The following BTBD3 variants were observed in gnomAD, a reference collection of about 807,000 sequenced individuals.
BTBD3 encodes BTB domain containing 3.
A neutral mutation model predicts 41.6 loss-of-function variants in BTBD3; 14 were observed. That is an observed-to-expected ratio of 0.34 (90% CI 0.22 to 0.53). The LOEUF is 0.53. Among genes scored for constraint, BTBD3 ranks in the 20% least tolerant of loss-of-function variants. The pLI, the probability that BTBD3 is intolerant of heterozygous loss-of-function variation, is 0.95. For missense variants in BTBD3, 426 were observed against 654.7 expected (o/e 0.65, Z 3.81); for synonymous variants, 249 against 233.7 (o/e 1.07, Z -0.60).
At chr20:11,914,679 C>G (rs890680793), upstream of BTBD3, among the ~76,000 whole-genome samples, 1 of 151,640 alleles carries the variant, frequency 6.6e-6, no homozygotes, top group Non-Finnish European at 1.5e-5. Context: ...CTTAAATGCC[C>G]TTAGAAATAA....
chr20:11,925,165 C>A lies in BTBD3; in HGVS notation c.*1499C>A, dbSNP rs73251144. 0.055 allele frequency: 8,416 copies of A among 152,824 alleles called. 760 individuals are homozygous for A. Among genetic ancestry groups the A allele is most frequent in the African/African-American group, 0.19 (7,700 of 41,556 alleles). 9.5% of individuals were successfully genotyped at this position (152,824 alleles called of 1,614,324 possible). On this transcript the variant is annotated 3_prime_UTR_variant, in exon 4 of 4. Transcript: ENST00000378226. ...CTGCTCCTGCTCTGCAAGCCTGAAA[C>A]TGGCTTGTCTGGAGCCAGGAGTTAG...
At position 11,918,413 on chromosome 20, in the gene BTBD3, A is replaced by C; in HGVS notation, c.138A>C (p.Pro46=). Residue 46 remains proline, a synonymous_variant, in exon 1 of 4, where the codon CCA becomes CCC. Coordinates refer to ENST00000378226, the MANE Select transcript of BTBD3 (RefSeq NM_014962.4). ...SSSSSNSSKL[P]PVCYEIITLK... is the part of the protein sequence containing the mutation. The stretch of plus-strand genomic sequence containing the variant: ...GCAGTAGCAACAGCAGCAAGTTGCC[A>C]CCAGTTTGTTATGAAATAATTACCT... 6.2e-7 allele frequency: 1 copy of C among 1,614,190 alleles called. No homozygotes were observed. Among genetic ancestry groups the C allele is most frequent in the Non-Finnish European group, 8.5e-7 (1 of 1,180,028 alleles).
intron 3 of BTBD3, chr20:11,921,725 T>C (rs1296624790): frequency 6.6e-6 from 1 of 152,244 alleles, no homozygotes; most frequent in African/African-American, 2.4e-5. Context: ...TACTTTCTTA[T>C]AGAAGCTGTT....
upstream of BTBD3, among the ~76,000 whole-genome samples, chr20:11,915,267 T>C (rs2056911012): frequency 6.6e-6 from 1 of 152,204 alleles, no homozygotes; most frequent in African/African-American, 2.4e-5. Flanking sequence ...TCCCTCTCAG[T>C]TGGCTGTCTG....
chr20:11,919,255 G>C, intron 2 of BTBD3, 79 bp downstream of exon 2: 1 of 1,431,250 alleles, frequency 7.0e-7, no homozygotes, highest in South Asian at 1.3e-5. Context: ...AACTTGGTGT[G>C]GGCAGCTTGC....
intron 1 of BTBD3, among the ~76,000 whole-genome samples, chr20:11,906,318 G>A (rs942819886): frequency 4.1e-5 from 5 of 123,306 alleles, no homozygotes; most frequent in African/African-American, 1.5e-4. Flanking sequence ...AGGGTGGAGT[G>A]CAATGGTGTT....
rs1438643747 is a variant in BTBD3 at position 11,897,520 on chromosome 20, TCCTCCTGACTCTTCTC to T, written c.-126+6567_-126+6582del. Among the ~76,000 whole-genome samples, 97 of 137,876 alleles carry T rather than the reference TCCTCCTGACTCTTCTC, an allele frequency of 7.0e-4. 1 individual carries two copies. The South Asian group carries it at 0.014, about 20-fold the overall frequency. The allele number at this position is 137,876 out of a possible 152,430, so 90.5% of individuals were successfully genotyped here. On this transcript the variant is annotated intron_variant, in intron 1 of 4. Coordinates refer to the BTBD3 transcript ENST00000254977. ...AAAAAAAAAAAAAAAGAACATGGAA[TCCTCCTGACTCTTCTC>T]TTTCTCTCCAACTCTGTTTCCAGGT...
At chr20:11,900,494 T>C (rs1476285990) in intron 1 of BTBD3, among the ~76,000 whole-genome samples, 6 of 152,180 alleles carry the variant, frequency 3.9e-5, no homozygotes, top group Admixed American at 2.0e-4. Flanking sequence ...TAATTTCTTC[T>C]ACTAATCTGT....
chr20:11,923,014 T>C lies in BTBD3; in HGVS notation c.917T>C (p.Ile306Thr). Reference protein sequence around the residue: ...ECQRQDLALSIENKRKVLGKA... With the variant: ...ECQRQDLALSTENKRKVLGKA... ...CAACGACAAGATCTGGCGTTGAGCA[T>C]TGAAAATAAACGCAAGGTTCTAGGA... Residue 306 changes from isoleucine (I) to threonine (T), a missense_variant, in exon 4 of 4, where the codon ATT becomes ACT. Around this residue, in one of 3 missense-constraint regions of BTBD3, gnomAD observed 321 missense variants for 534.8 expected, o/e 0.60. Coordinates refer to ENST00000378226, the MANE Select transcript of BTBD3 (RefSeq NM_014962.4). This position sits in a 1 kb window ranked among gnomAD's most constrained non-coding sequence, Gnocchi z 5.3. 6.2e-7 allele frequency: 1 copy of C among 1,614,170 alleles called. No homozygotes were observed. The highest frequency in any genetic ancestry group is 2.2e-5 in the East Asian group (1 of 44,888).
chr20:11,921,724 A>G (rs1458117211), intron 3 of BTBD3: 2 of 152,198 alleles, frequency 1.3e-5, no homozygotes, highest in Non-Finnish European at 2.9e-5. Flanking sequence ...TTACTTTCTT[A>G]TAGAAGCTGT....
chr20:11,890,855 G>C (rs907266179), exon 1 of BTBD3: 1 of 984,970 alleles, frequency 1.0e-6, no homozygotes, highest in Non-Finnish European at 1.2e-6. Context: ...CGAGCCCGCC[G>C]GGCGCTGGAT....
At chr20:11,908,394 A>G (rs1207947095) in intron 1 of BTBD3, among the ~76,000 whole-genome samples, 5 of 123,950 alleles carry the variant, frequency 4.0e-5, no homozygotes, top group Non-Finnish European at 8.2e-5. Context: ...TTTGACTTTA[A>G]TGTTTTTAAT....
At chr20:11,907,362 T>A (rs1463794252) in intron 1 of BTBD3, among the ~76,000 whole-genome samples, 1 of 152,218 alleles carries the variant, frequency 6.6e-6, no homozygotes, top group African/African-American at 2.4e-5. Context: ...TAGTCTAAGC[T>A]TGCATCTCAG....
intron 1 of BTBD3, among the ~76,000 whole-genome samples, chr20:11,911,186 A>G (rs1376674748): frequency 1.3e-5 from 2 of 152,188 alleles, no homozygotes; most frequent in African/African-American, 4.8e-5. Flanking sequence ...AGATGGCATC[A>G]ATTAAAAGAC....
chr20:11,901,441 T>A (rs2056823189), intron 1 of BTBD3, among the ~76,000 whole-genome samples: 1 of 152,250 alleles, frequency 6.6e-6, no homozygotes, highest in South Asian at 2.1e-4. Context: ...CAGTCACTTT[T>A]GATCCCTATG....
At position 11,923,189 on chromosome 20, in the gene BTBD3, T is replaced by C. The variant is rs547995041; in HGVS notation, c.1092T>C (p.Ser364=). 5.0e-6 allele frequency: 8 copies of C among 1,614,208 alleles called. No individual in the cohort carries two copies. The Admixed American group carries it at 1.0e-4, about 20-fold the overall frequency. ...AAKKPELQFV[S]KARKGLVPQR... Reference sequence around the variant, plus strand: ...AAAAGCCTGAGCTTCAGTTTGTGAGTAAAGCCCGTAAGGGCCTTGTCCCCC... The same window carrying C: ...AAAAGCCTGAGCTTCAGTTTGTGAGCAAAGCCCGTAAGGGCCTTGTCCCCC... The change falls in exon 4 of 4, where the codon AGT becomes AGC. Residue 364 remains serine, a synonymous_variant. Transcript: ENST00000378226. This position sits in a 1 kb window ranked among gnomAD's most constrained non-coding sequence, Gnocchi z 5.3.
intron 3 of BTBD3, among the ~76,000 whole-genome samples, chr20:11,920,320 G>C (rs1322532265): frequency 6.6e-6 from 1 of 152,114 alleles, no homozygotes; most frequent in Non-Finnish European, 1.5e-5. Context: ...GAAATAATCT[G>C]ATCTTTGTGT....
At position 11,922,786 on chromosome 20, in the gene BTBD3, C is replaced by A; in HGVS notation, c.689C>A (p.Ser230Tyr). Residue 230 changes from serine (S) to tyrosine (Y), a missense_variant, in exon 4 of 4, where the codon TCC becomes TAC. By Grantham distance (144) the Ser-to-Tyr change is moderately radical. Coordinates refer to ENST00000378226, the MANE Select transcript of BTBD3 (RefSeq NM_014962.4). The part of the protein sequence containing the change: ...LSAKNACVLL[S>Y]QSCLFEEPDL... ...GCCAAGAATGCCTGTGTGCTCCTCTCCCAGAGCTGCCTGTTCGAGGAGCCA... is the reference window on the plus strand; with the variant it reads ...GCCAAGAATGCCTGTGTGCTCCTCTACCAGAGCTGCCTGTTCGAGGAGCCA... 1 of 1,614,206 alleles carries A rather than the reference C, an allele frequency of 6.2e-7. No homozygotes were observed. The highest frequency in any genetic ancestry group is 8.5e-7 in the Non-Finnish European group (1 of 1,180,048).
intron 1 of BTBD3, among the ~76,000 whole-genome samples, chr20:11,911,278 A>G (rs539087816): frequency 1.3e-5 from 2 of 152,228 alleles, no homozygotes; most frequent in African/African-American, 2.4e-5. Flanking sequence ...TGGCACTTAC[A>G]TATGTACACA....
Sources: allele counts gnomAD v4.1 joint callset (sites outside exome capture counted in the v4.1 genomes callset), GRCh38; gene constraint gnomAD v4.1.1; regional missense constraint gnomAD v4.1.1; non-coding constraint Gnocchi (gnomAD v3.1); transcripts MANE v1.5; gene names NCBI Gene and HGNC (gene_info 2026-07-23, HGNC 2026-07-21).